BRINP3: variants seen among roughly 807,000 people sequenced by gnomAD.
BRINP3 encodes the protein BMP/retinoic acid-inducible neural-specific protein 3.
BRINP3 carries 19 observed loss-of-function variants against 71.0 expected under a neutral mutation model. That is an observed-to-expected ratio of 0.27 (90% CI 0.19 to 0.39). The LOEUF (loss-of-function observed/expected upper bound fraction) is 0.39. BRINP3 is among the 10% of genes least tolerant of loss of function. BRINP3 has a pLI of 1.00. For synonymous variants in BRINP3, 380 were observed against 337.7 expected, an observed-to-expected ratio of 1.13 and a Z score of -1.37; for missense variants, 959 against 940.8, an observed-to-expected ratio of 1.02 and a Z score of -0.25.
chr1:190,370,734 G>T (rs1379344109), intron 2 of BRINP3, among the ~76,000 whole-genome samples: 1 of 152,160 alleles, frequency 6.6e-6, no homozygotes, highest in Non-Finnish European at 1.5e-5. Context: ...ACTGACCTTT[G>T]CAGCTACTCT....
intron 2 of BRINP3, among the ~76,000 whole-genome samples, chr1:190,406,964 T>G (rs1288267847): frequency 6.6e-6 from 1 of 152,148 alleles, no homozygotes; most frequent in Non-Finnish European, 1.5e-5. Context: ...TCTTACGATA[T>G]TTCTGTGTAA....
chr1:190,308,327 T>C (rs1665262803), intron 2 of BRINP3, among the ~76,000 whole-genome samples: 1 of 151,842 alleles, frequency 6.6e-6, no homozygotes. Flanking sequence ...ATGGCAAAAC[T>C]GAAAGTGTAA....
chr1:190,284,428 C>G (rs1159731388), intron 2 of BRINP3, among the ~76,000 whole-genome samples: 1 of 151,886 alleles, frequency 6.6e-6, no homozygotes, highest in Non-Finnish European at 1.5e-5. Context: ...AAAAATTATA[C>G]AAAGATAAAA....
Position 190,304,808 on chromosome 1 carries a change from C to T in BRINP3, c.237-23058G>A, listed in dbSNP as rs542976624. ...GCTTCTGCACAGCAAAGGAAACTTC[C>T]GACAAAGTGAAGAGACAACCCACAG... On this transcript the variant is annotated intron_variant, in intron 2 of 7. Coordinates refer to ENST00000367462, the MANE Select transcript of BRINP3 (RefSeq NM_199051.3). Among the ~76,000 whole-genome samples the T allele has an allele frequency of 3.8e-4, 57 of 151,910 alleles. No individual in the cohort carries two copies. In the South Asian group the frequency reaches 5.6e-3, roughly 15 times the overall value.
intron 2 of BRINP3, among the ~76,000 whole-genome samples, chr1:190,358,159 T>C (rs575862429): frequency 5.9e-5 from 9 of 152,176 alleles, no homozygotes; most frequent in East Asian, 1.9e-4. Context: ...AATTGACAAA[T>C]AGGATCTAAT....
chr1:190,218,212 T>C (rs968318000), intron 6 of BRINP3, among the ~76,000 whole-genome samples: 2 of 151,980 alleles, frequency 1.3e-5, no homozygotes, highest in African/African-American at 4.8e-5. Flanking sequence ...CAGCCCTTGC[T>C]TAGGCAAAGG....
At chr1:190,399,508 T>C (rs1671791788) in intron 2 of BRINP3, among the ~76,000 whole-genome samples, 1 of 151,940 alleles carries the variant, frequency 6.6e-6, no homozygotes, top group African/African-American at 2.4e-5. Flanking sequence ...TCATTTAGAA[T>C]TTCTCAGGGG....
intron 6 of BRINP3, chr1:190,216,856 A>G (rs2102670843): frequency 6.6e-6 from 1 of 152,076 alleles, no homozygotes; most frequent in African/African-American, 2.4e-5. Flanking sequence ...CTTACATTTA[A>G]GGAAGATTTC....
intron 2 of BRINP3, among the ~76,000 whole-genome samples, chr1:190,315,752 C>T (rs1232830739): frequency 2.0e-5 from 3 of 152,064 alleles, no homozygotes; most frequent in Admixed American, 2.0e-4. Flanking sequence ...TGGTTTGTCT[C>T]TCATGCAGTG....
chr1:190,235,575 C>CT (rs2102744567), intron 4 of BRINP3, among the ~76,000 whole-genome samples: 1 of 152,056 alleles, frequency 6.6e-6, no homozygotes, highest in East Asian at 1.9e-4. Context: ...TCCGTGTTAC[C>CT]TCCCTAAATC....
At chr1:190,234,220 C>T in intron 5 of BRINP3, 152 bp downstream of exon 5, 1 of 465,978 alleles carries the variant, frequency 2.1e-6, no homozygotes, top group Admixed American at 4.0e-5. Context: ...TTCATATTTT[C>T]TTGTATCAGT....
chr1:190,188,503 T>A (rs1653738421), intron 6 of BRINP3, among the ~76,000 whole-genome samples: 1 of 152,186 alleles, frequency 6.6e-6, no homozygotes, highest in South Asian at 2.1e-4. Context: ...GGGATTGTCA[T>A]ATATAGCCTT....
chr1:190,134,632 G>A (rs10920600), intron 7 of BRINP3, among the ~76,000 whole-genome samples: 21,604 of 151,970 alleles, frequency 0.14, 2,619 homozygotes, highest in African/African-American at 0.29. Context: ...CCAGAGACAG[G>A]CAGGAGTCAT....
At chr1:190,217,092 C>G (rs1398851333) in intron 6 of BRINP3, 1 of 151,746 alleles carries the variant, frequency 6.6e-6, no homozygotes. Context: ...TAAGAATAGA[C>G]AAATTAGTAT....
At chr1:190,299,246 G>T (rs1199108355) in intron 2 of BRINP3, among the ~76,000 whole-genome samples, 1 of 151,578 alleles carries the variant, frequency 6.6e-6, no homozygotes, top group Non-Finnish European at 1.5e-5. Flanking sequence ...AAGTTTTCTT[G>T]ATCTATTCCA....
chr1:190,324,375 C>T (rs1323043024), intron 2 of BRINP3, among the ~76,000 whole-genome samples: 1 of 151,872 alleles, frequency 6.6e-6, no homozygotes, highest in Non-Finnish European at 1.5e-5. Flanking sequence ...GGTTCAGAAC[C>T]AGTGAATTCA....
chr1:190,165,757 G>A (rs1412053871), intron 6 of BRINP3, among the ~76,000 whole-genome samples: 1 of 151,710 alleles, frequency 6.6e-6, no homozygotes, highest in Non-Finnish European at 1.5e-5. Context: ...CTAGCTTTAA[G>A]TCAGTAAGAT....
At chr1:190,099,347 C>G (rs1166230517) in intron 7 of BRINP3, among the ~76,000 whole-genome samples, 2 of 151,642 alleles carry the variant, frequency 1.3e-5, no homozygotes. Flanking sequence ...TATGTATATT[C>G]CATTTATCAC....
chr1:190,184,998 A>G (rs181883747), intron 6 of BRINP3, among the ~76,000 whole-genome samples: 1 of 152,204 alleles, frequency 6.6e-6, no homozygotes, highest in East Asian at 1.9e-4. Flanking sequence ...AAGCTTTAAA[A>G]CTCTTAAAAG....
Sources: allele counts gnomAD v4.1 joint callset (sites outside exome capture counted in the v4.1 genomes callset), GRCh38; gene constraint gnomAD v4.1.1; transcripts MANE v1.5; gene names NCBI Gene and HGNC (gene_info 2026-07-23, HGNC 2026-07-21).